The following WIPF1 variants were observed in gnomAD, a reference collection of about 807,000 sequenced individuals.
WIPF1 encodes WAS/WASL-interacting protein family member 1.
A neutral mutation model predicts 35.4 loss-of-function variants in WIPF1; 13 were observed. That is an observed-to-expected ratio of 0.37 (90% CI 0.24 to 0.58). The LOEUF (loss-of-function observed/expected upper bound fraction) is 0.58, where lower values mean the gene tolerates loss of function less well. Ranked by LOEUF, WIPF1 falls within the 20% of genes least tolerant of loss-of-function variation. WIPF1 has a pLI of 0.74. For synonymous variants in WIPF1, 267 were observed against 266.3 expected (o/e 1.00, Z -0.02); for missense variants, 591 against 667.0 (o/e 0.89, Z 1.25).
chr2:174,645,966 A>G (rs965301565), intron 1 of WIPF1, among the ~76,000 whole-genome samples: 2 of 152,260 alleles, frequency 1.3e-5, no homozygotes, highest in East Asian at 3.8e-4. Context: ...GGTGAGTTTT[A>G]AGAAGGCTCA....
chr2:174,667,896 A>T (rs1687926056), intron 1 of WIPF1, among the ~76,000 whole-genome samples: 1 of 151,850 alleles, frequency 6.6e-6, no homozygotes, highest in African/African-American at 2.4e-5. Context: ...TGATTCTCTC[A>T]CCCCCAAAAT....
At chr2:174,566,328 T>C (rs1020374305) in intron 7 of WIPF1, 1 of 152,278 alleles carries the variant, frequency 6.6e-6, no homozygotes, top group African/African-American at 2.4e-5. Context: ...TTTCCTTTCT[T>C]GTTGACATTC....
intron 1 of WIPF1, among the ~76,000 whole-genome samples, chr2:174,651,953 A>C (rs1321497073): frequency 1.9e-4 from 29 of 152,238 alleles, no homozygotes; most frequent in Non-Finnish European, 1.3e-4. Context: ...GATGCCTGGT[A>C]CAAGGCTAGG....
At chr2:174,674,187 T>C (rs919375178) in intron 1 of WIPF1, among the ~76,000 whole-genome samples, 5 of 152,198 alleles carry the variant, frequency 3.3e-5, no homozygotes, top group East Asian at 1.9e-4. Context: ...GCAGGAGCAA[T>C]GAGCGCAAGG....
chr2:174,592,191 T>C (rs190752264), intron 1 of WIPF1, among the ~76,000 whole-genome samples: 131 of 152,340 alleles, frequency 8.6e-4, no homozygotes, highest in Non-Finnish European at 1.2e-3. Flanking sequence ...TTGCACTGCC[T>C]AGGGCCCACA....
At chr2:174,597,961 CACAGCTATTTGGT>C (rs1685875787), upstream of WIPF1, 1 of 152,580 alleles carries the variant, frequency 6.6e-6, no homozygotes, top group African/African-American at 2.4e-5. Context: ...AGGTGTAATA[CACAGCTATTTGGT>C]ACAGTGACAA....
intron 1 of WIPF1, among the ~76,000 whole-genome samples, chr2:174,667,181 G>A (rs557768465): frequency 2.6e-5 from 4 of 152,184 alleles, no homozygotes; most frequent in Non-Finnish European, 5.9e-5. Flanking sequence ...AGCGAGGCCC[G>A]AAGGGAGGGA....
chr2:174,581,795 C>T (rs1381263053), intron 2 of WIPF1, among the ~76,000 whole-genome samples: 8 of 152,136 alleles, frequency 5.3e-5, no homozygotes, highest in South Asian at 2.1e-4. Context: ...CATTACCAGA[C>T]GTCATTCACT....
At chr2:174,562,790 A>G (rs999925952) in intron 7 of WIPF1, among the ~76,000 whole-genome samples, 188 bp from the exon 8 acceptor site, 1 of 152,226 alleles carries the variant, frequency 6.6e-6, no homozygotes, top group African/African-American at 2.4e-5. Flanking sequence ...AATAAACATC[A>G]TGGTGGGTGA....
In WIPF1 at chr2:174,571,695, C is replaced by T. The variant is rs146042531; in HGVS notation, c.1110G>A (p.Arg370=). ...TCATACCTGATCGGCCTGGCGGGTC[C>T]CTCACTGGAGGTGGGGGTCTCTCAC... ...PPSERPPPPV[R]DPPGRSGPLP... The change falls in exon 5 of 8, where the codon AGG becomes AGA. Residue 370 remains arginine (R), a synonymous_variant. Transcript: ENST00000679041. This position sits in a 1 kb window ranked among gnomAD's most constrained non-coding sequence, Gnocchi z 4.6. The T allele has an allele frequency of 4.8e-5, 78 of 1,614,008 alleles. No individual in the cohort carries two copies. Among genetic ancestry groups the T allele is most frequent in the Non-Finnish European group, 6.1e-5 (72 of 1,180,042 alleles).
chr2:174,592,629 A>C lies in WIPF1; in HGVS notation c.-39+4972T>G, dbSNP rs572179381. Among the ~76,000 whole-genome samples the C allele has an allele frequency of 6.7e-4, 98 of 147,284 alleles. 1 individual carries two copies. The highest frequency in any genetic ancestry group is 1.3e-3 in the Non-Finnish European group (85 of 67,052). On this transcript the variant is annotated intron_variant, in intron 1 of 7. Transcript: ENST00000679041. ...GATTTTTTTTTTTTTTTTTTGAGAC[A>C]GAGTCTGGCTCTGTTGCCCAGGCTG...
Position 174,562,610 on chromosome 2 carries a change from A to T in WIPF1, c.1457-8T>A. 6.2e-7 allele frequency: 1 copy of T among 1,614,060 alleles called. No individual in the cohort carries two copies. Among genetic ancestry groups the T allele is most frequent in the Non-Finnish European group, 8.5e-7 (1 of 1,179,984 alleles). ...CTCTTCGGTTGGATCCACCTTGGTGAAAAAACAGACAAAATATAATTTTGG... is the reference window on the plus strand; with the variant it reads ...CTCTTCGGTTGGATCCACCTTGGTGTAAAAACAGACAAAATATAATTTTGG... On this transcript the variant is annotated splice_region_variant and splice_polypyrimidine_tract_variant and intron_variant, in intron 7 of 7. Transcript: ENST00000679041.
intron 1 of WIPF1, among the ~76,000 whole-genome samples, chr2:174,649,855 T>C (rs952804630): frequency 3.3e-5 from 5 of 152,232 alleles, no homozygotes; most frequent in Non-Finnish European, 7.3e-5. Context: ...TTCTACTTTA[T>C]GCATGACTGT....
intron 1 of WIPF1, among the ~76,000 whole-genome samples, chr2:174,646,110 C>T (rs948608851): frequency 1.3e-5 from 2 of 152,218 alleles, no homozygotes; most frequent in African/African-American, 2.4e-5. Flanking sequence ...CAACAGCATG[C>T]GAAAAGTGTC....
At chr2:174,640,759 C>T (rs920393459) in intron 1 of WIPF1, among the ~76,000 whole-genome samples, 5 of 151,612 alleles carry the variant, frequency 3.3e-5, no homozygotes, top group Admixed American at 6.6e-5. Flanking sequence ...TATCCCTCCC[C>T]GCTTTAATTT....
intron 1 of WIPF1, among the ~76,000 whole-genome samples, chr2:174,633,296 GT>G (rs148998440): frequency 0.023 from 3,440 of 152,232 alleles, 124 homozygotes; most frequent in African/African-American, 0.076. Context: ...ATATAAACAA[GT>G]TGAGTCCACG....
At chr2:174,612,892 G>A (rs554555370) in intron 1 of WIPF1, among the ~76,000 whole-genome samples, 4 of 152,236 alleles carry the variant, frequency 2.6e-5, no homozygotes, top group East Asian at 1.9e-4. Context: ...CTAACCATTC[G>A]TAGACTGACT....
intron 1 of WIPF1, among the ~76,000 whole-genome samples, chr2:174,638,016 G>A (rs1305365075): frequency 6.6e-6 from 1 of 152,146 alleles, no homozygotes; most frequent in Non-Finnish European, 1.5e-5. Flanking sequence ...GGAGGAAATA[G>A]ATCAGTCAAT....
rs1482276823 is a variant in WIPF1, at chr2:174,572,458, G to A, written c.359-12C>T. The A allele has an allele frequency of 1.9e-6, 3 of 1,613,944 alleles. No individual in the cohort carries two copies. The East Asian group carries it at 6.7e-5, about 36-fold the overall frequency. ...GCTTCCTCCAGAATCTGAAGAACAG[G>A]AAAACAAACATCAGTTAGGAAATCA... On this transcript the variant is annotated splice_polypyrimidine_tract_variant and intron_variant, in intron 4 of 7. Transcript: ENST00000679041.
Sources: allele counts gnomAD v4.1 joint callset (sites outside exome capture counted in the v4.1 genomes callset), GRCh38; gene constraint gnomAD v4.1.1; non-coding constraint Gnocchi (gnomAD v3.1); transcripts MANE v1.5; gene names NCBI Gene and HGNC (gene_info 2026-07-23, HGNC 2026-07-21).